The following KLRD1 variants were observed in gnomAD, a reference collection of about 807,000 sequenced individuals.
KLRD1 encodes killer cell lectin like receptor D1.
Under a neutral mutation model 22.6 loss-of-function variants are expected in KLRD1, and 21 were observed. That is an observed-to-expected ratio of 0.93 (90% confidence interval 0.66 to 1.34). The LOEUF is 1.34. KLRD1 is among the 40% of genes most tolerant of loss of function. The pLI, the probability that KLRD1 is intolerant of heterozygous loss-of-function variation, is 0.00. For synonymous variants in KLRD1, 59 were observed against 71.1 expected, an observed-to-expected ratio of 0.83 and a Z score of 0.85; for missense variants, 183 against 208.6, an observed-to-expected ratio of 0.88 and a Z score of 0.76.
rs1950287624 is a variant in KLRD1, at chr12:10,319,241, C to T, written c.*4448C>T. The T allele has an allele frequency of 6.6e-6, 1 of 152,322 alleles. No homozygotes were observed. Among genetic ancestry groups the T allele is most frequent in the South Asian group, 2.1e-4 (1 of 4,828 alleles). The allele number at this position is 152,322 out of a possible 1,614,324, so 9.4% of individuals were successfully genotyped here. A position where few individuals can be genotyped will look rare whatever the true frequency, so the allele number is the denominator to read the frequency against. ...AATATAAGGCCATAAATTCTACTCT[C>T]TGCTTTATTCTTTTCCAGGTCACTT... On this transcript the variant is annotated 3_prime_UTR_variant, in exon 6 of 6. Transcript: ENST00000336164.
intron 1 of KLRD1, among the ~76,000 whole-genome samples, chr12:10,291,053 G>T (rs996308824): frequency 6.6e-6 from 1 of 151,992 alleles, no homozygotes; most frequent in Non-Finnish European, 1.5e-5. Context: ...AATTTTTTTT[G>T]TTTCCCAATG....
chr12:10,299,377 A>G (rs1375853927), intron 1 of KLRD1, among the ~76,000 whole-genome samples: 1 of 152,210 alleles, frequency 6.6e-6, no homozygotes, highest in Non-Finnish European at 1.5e-5. Context: ...CAGGAAATGC[A>G]TAATATAAGC....
chr12:10,323,197 G>A lies in KLRD1; in HGVS notation c.*8404G>A, dbSNP rs1217833486. 1.3e-5 allele frequency: 2 copies of A among 152,166 alleles called. No individual in the cohort carries two copies. The highest frequency in any genetic ancestry group is 2.9e-5 in the Non-Finnish European group (2 of 68,034). 9.4% of individuals were successfully genotyped at this position (152,166 alleles called of 1,614,324 possible). On this transcript the variant is annotated 3_prime_UTR_variant, in exon 6 of 6. Transcript: ENST00000336164. ...GTACGCCTAGGAGTTGAATTTCTAA[G>A]TCATAAGCTGTCATATATTTAGGCC... is the stretch of plus-strand genomic sequence containing the variant.
chr12:10,254,041 T>C (rs1288880285), intron 1 of KLRD1, among the ~76,000 whole-genome samples: 1 of 151,866 alleles, frequency 6.6e-6, no homozygotes, highest in East Asian at 1.9e-4. Context: ...GGGCAAAGAT[T>C]TCGTGACAAA....
chr12:10,314,956 A>G lies in KLRD1; in HGVS notation c.*163A>G. ...ATGTATGTGAAACAATGTGTTTTAAAATTGATGAAATTCGTTCACCTACAT... is the reference window on the plus strand; with the variant it reads ...ATGTATGTGAAACAATGTGTTTTAAGATTGATGAAATTCGTTCACCTACAT... On this transcript the variant is annotated 3_prime_UTR_variant, in exon 6 of 6. Coordinates refer to ENST00000336164, the MANE Select transcript of KLRD1 (RefSeq NM_002262.5). 1 of 549,020 alleles carries G rather than the reference A, an allele frequency of 1.8e-6. No individual in the cohort carries two copies. The highest frequency in any genetic ancestry group is 3.0e-6 in the Non-Finnish European group (1 of 331,758). The allele number at this position is 549,020 out of a possible 1,614,324, so 34.0% of individuals were successfully genotyped here.
At chr12:10,284,219 A>G (rs1288789308) in intron 1 of KLRD1, among the ~76,000 whole-genome samples, 1 of 151,802 alleles carries the variant, frequency 6.6e-6, no homozygotes, top group Non-Finnish European at 1.5e-5. Flanking sequence ...AACAACAACA[A>G]CAAAAGACTT....
chr12:10,276,649 C>T (rs1848695499), intron 1 of KLRD1, among the ~76,000 whole-genome samples: 1 of 151,286 alleles, frequency 6.6e-6, no homozygotes, highest in Non-Finnish European at 1.5e-5. Flanking sequence ...CTGCCTCAGC[C>T]TCCCGAGTAG....
intron 1 of KLRD1, among the ~76,000 whole-genome samples, chr12:10,251,175 A>G (rs766647866): frequency 3.3e-5 from 5 of 152,026 alleles, no homozygotes; most frequent in Non-Finnish European, 5.9e-5. Flanking sequence ...CCCAGGCTGG[A>G]GTGCAGTGGT....
chr12:10,277,989 G>A (rs58510785), intron 1 of KLRD1, among the ~76,000 whole-genome samples: 7,562 of 152,204 alleles, frequency 0.05, 314 homozygotes, highest in East Asian at 0.15. Flanking sequence ...TGGATTTATC[G>A]TTATTCTGGA....
intron 1 of KLRD1, among the ~76,000 whole-genome samples, chr12:10,239,242 A>G (rs778894588): frequency 5.3e-5 from 8 of 152,268 alleles, no homozygotes; most frequent in Admixed American, 1.3e-4. Flanking sequence ...AAGAGAATCT[A>G]TTATATAGCA....
At chr12:10,271,737 C>A (rs11053723) in intron 1 of KLRD1, among the ~76,000 whole-genome samples, 20,815 of 151,970 alleles carry the variant, frequency 0.14, 1,924 homozygotes, top group Non-Finnish European at 0.2. Context: ...TTATATGATA[C>A]ATAAACATAT....
rs980098444 is a variant in KLRD1, at chr12:10,268,938, T to C, written c.-100-39040T>C. Among the ~76,000 whole-genome samples the C allele has an allele frequency of 2.0e-5, 3 of 152,332 alleles. No homozygotes were observed. In the South Asian group the frequency reaches 6.2e-4, roughly 32 times the overall value. ...ATCATTATAACAGTGATGTATTATG[T>C]TGGCTCTTTTATGTAGGACTTTTGT... On this transcript the variant is annotated intron_variant, in intron 1 of 5. Coordinates refer to the KLRD1 transcript ENST00000544747.
At chr12:10,287,726 C>T (rs1451497624) in intron 1 of KLRD1, among the ~76,000 whole-genome samples, 2 of 152,046 alleles carry the variant, frequency 1.3e-5, no homozygotes, top group South Asian at 2.1e-4. Context: ...TACAAAACTA[C>T]GGGGATAACT....
intron 1 of KLRD1, among the ~76,000 whole-genome samples, chr12:10,241,284 G>C (rs1949239144): frequency 2.0e-5 from 3 of 152,148 alleles, no homozygotes; most frequent in Non-Finnish European, 4.4e-5. Flanking sequence ...GTTTGTATAA[G>C]AGTTTGCAGG....
chr12:10,294,983 A>G (rs2137671261), intron 1 of KLRD1, among the ~76,000 whole-genome samples: 1 of 152,326 alleles, frequency 6.6e-6, no homozygotes, highest in East Asian at 1.9e-4. Flanking sequence ...GAGGGTAGTA[A>G]TTGGAAGGTT....
At chr12:10,280,998 A>G (rs1417761540) in intron 1 of KLRD1, among the ~76,000 whole-genome samples, 1 of 152,202 alleles carries the variant, frequency 6.6e-6, no homozygotes, top group African/African-American at 2.4e-5. Context: ...AAGTATATCC[A>G]GGTCATAATC....
At chr12:10,290,574 T>C (rs1209646610) in intron 1 of KLRD1, among the ~76,000 whole-genome samples, 1 of 152,110 alleles carries the variant, frequency 6.6e-6, no homozygotes, top group Non-Finnish European at 1.5e-5. Context: ...CACACACACA[T>C]TGAAATGAGA....
chr12:10,303,597 C>A (rs1006196467), upstream of KLRD1, among the ~76,000 whole-genome samples: 1 of 152,174 alleles, frequency 6.6e-6, no homozygotes, highest in African/African-American at 2.4e-5. Context: ...TTTCACATGA[C>A]CTACTCTTGT....
chr12:10,284,450 C>T (rs1384926304), intron 1 of KLRD1, among the ~76,000 whole-genome samples: 1 of 152,104 alleles, frequency 6.6e-6, no homozygotes, highest in East Asian at 1.9e-4. Flanking sequence ...ATCCATAAGG[C>T]TAAAAACCAA....
Sources: gnomAD v4.1 joint callset for allele counts (sites outside exome capture counted in the v4.1 genomes callset) on GRCh38, gnomAD v4.1.1 for gene constraint, MANE v1.5 for transcripts, NCBI Gene and HGNC (gene_info 2026-07-23, HGNC 2026-07-21) for gene names.